The following COL23A1 variants were observed in gnomAD, a reference collection of about 807,000 sequenced individuals.
The protein encoded by COL23A1 is collagen type XXIII alpha 1 chain.
In COL23A1, 97 loss-of-function variants were observed where a neutral mutation model predicts 99.3. The observed-to-expected ratio is 0.98, with a 90% confidence interval of 0.83 to 1.16. The LOEUF is 1.16. Ranked by LOEUF, COL23A1 falls within the 50% of genes most tolerant of loss-of-function variation. COL23A1 has a pLI of 0.00. For synonymous variants in COL23A1, 320 were observed against 308.2 expected (o/e 1.04, Z -0.40); for missense variants, 762 against 757.4 (o/e 1.01, Z -0.07).
chr5:178,581,592 A>G (rs1352515068), intron 1 of COL23A1, among the ~76,000 whole-genome samples: 1 of 151,532 alleles, frequency 6.6e-6, no homozygotes, highest in Non-Finnish European at 1.5e-5. Flanking sequence ...ATTAAAACGA[A>G]AAACAAAGCC....
At chr5:178,263,357 G>T in intron 8 of COL23A1, 33 bp from the exon 9 acceptor site, 3 of 1,365,394 alleles carry the variant, frequency 2.2e-6, no homozygotes, top group African/African-American at 1.5e-5. Flanking sequence ...TGACTCTGAG[G>T]GGGAGGGGGT....
chr5:178,249,104 C>T lies in COL23A1; in HGVS notation c.1149+13G>A. ...ACAGGAGGCGTAATGTGTGGCCCAA[C>T]CCAGCCACATACCGGGAGGCCGGAC... is the stretch of plus-strand genomic sequence containing the variant. On this transcript the variant is annotated intron_variant, in intron 19 of 28. Transcript: ENST00000390654. 1 of 1,612,976 alleles carries T rather than the reference C, an allele frequency of 6.2e-7. No individual in the cohort carries two copies. Among genetic ancestry groups the T allele is most frequent in the Non-Finnish European group, 8.5e-7 (1 of 1,179,026 alleles).
chr5:178,252,508 A>G, intron 17 of COL23A1, 36 bp downstream of exon 17: 1 of 1,594,848 alleles, frequency 6.3e-7, no homozygotes. Flanking sequence ...CTGGAGACAA[A>G]TGCTTGGGGG....
At chr5:178,410,750 A>G (rs548984878) in intron 2 of COL23A1, among the ~76,000 whole-genome samples, 1 of 152,366 alleles carries the variant, frequency 6.6e-6, no homozygotes, top group South Asian at 2.1e-4. Flanking sequence ...ACATGCAACG[A>G]AAGAAAAACC....
At chr5:178,393,783 G>A (rs1438140746) in intron 2 of COL23A1, among the ~76,000 whole-genome samples, 1 of 151,926 alleles carries the variant, frequency 6.6e-6, no homozygotes, top group African/African-American at 2.4e-5. Flanking sequence ...CTACAGGTGT[G>A]CACCACCACG....
chr5:178,577,034 T>C (rs565049684), intron 1 of COL23A1, among the ~76,000 whole-genome samples: 76 of 152,168 alleles, frequency 5.0e-4, no homozygotes, highest in African/African-American at 1.7e-3. Context: ...AGCGCGGTAC[T>C]GCTTCTGCCT....
In COL23A1 at chr5:178,238,710, G is replaced by A. The variant is rs1764233111; in HGVS notation, c.1621-10C>T. On this transcript the variant is annotated splice_polypyrimidine_tract_variant and intron_variant, in intron 28 of 28. Transcript: ENST00000390654. The stretch of plus-strand genomic sequence containing the variant: ...CTGGGCCTGTGGGTCACTGGAAAAG[G>A]AGGAAGAGACTGAAGGTGACGAGGA... 1.9e-6 allele frequency: 3 copies of A among 1,612,010 alleles called. No individual in the cohort carries two copies. The highest frequency in any genetic ancestry group is 1.7e-6 in the Non-Finnish European group (2 of 1,179,956).
intron 2 of COL23A1, among the ~76,000 whole-genome samples, chr5:178,508,532 G>T (rs1043348377): frequency 2.0e-5 from 3 of 152,196 alleles, no homozygotes; most frequent in African/African-American, 7.2e-5. Flanking sequence ...GATGGGGGGT[G>T]CCACTGTGTT....
intron 19 of COL23A1, 149 bp downstream of exon 19, chr5:178,248,968 A>G: frequency 1.4e-6 from 1 of 737,000 alleles, no homozygotes; most frequent in Non-Finnish European, 2.4e-6. Context: ...GCGCTGGCCC[A>G]GAGCCTAGAG....
At chr5:178,562,129 C>A in intron 1 of COL23A1, 1 of 518,676 alleles carries the variant, frequency 1.9e-6, no homozygotes, top group South Asian at 1.5e-5. Flanking sequence ...ATAATCCCAG[C>A]TGCTTGGGAG....
intron 2 of COL23A1, among the ~76,000 whole-genome samples, chr5:178,331,291 G>A (rs1414086566): frequency 2.6e-5 from 4 of 152,214 alleles, no homozygotes; most frequent in Admixed American, 6.5e-5. Context: ...CAGTTGCAGC[G>A]CCTACAAATC....
At chr5:178,259,874 C>T in intron 11 of COL23A1, 127 bp from the exon 12 acceptor site, 1 of 770,080 alleles carries the variant, frequency 1.3e-6, no homozygotes, top group Non-Finnish European at 2.0e-6. Flanking sequence ...GCCCAGAGAC[C>T]CCTGAATGCT....
At chr5:178,266,873 C>T (rs1435704279) in intron 8 of COL23A1, among the ~76,000 whole-genome samples, 1 of 152,254 alleles carries the variant, frequency 6.6e-6, no homozygotes, top group African/African-American at 2.4e-5. Flanking sequence ...GCTGTTCCCC[C>T]ATTCACAGTT....
At position 178,317,700 on chromosome 5, in the gene COL23A1, C is replaced by T. The variant is rs191574370; in HGVS notation, c.362-10781G>A. 2.6e-5 allele frequency among the ~76,000 whole-genome samples: 4 copies of T among 152,256 alleles called. No homozygotes were observed. In the East Asian group the frequency reaches 7.7e-4, roughly 29 times the overall value. On this transcript the variant is annotated intron_variant, in intron 2 of 28. Coordinates refer to ENST00000390654, the MANE Select transcript of COL23A1 (RefSeq NM_173465.4). Reference sequence around the variant, plus strand: ...TCTGAGAGTGGCGCCCAGGTTATGCCTTGCCAATGGGTTGGGGAGCGTATT... The same window carrying T: ...TCTGAGAGTGGCGCCCAGGTTATGCTTTGCCAATGGGTTGGGGAGCGTATT...
intron 2 of COL23A1, among the ~76,000 whole-genome samples, chr5:178,509,894 T>G (rs1237433300): frequency 2.0e-5 from 3 of 152,202 alleles, no homozygotes; most frequent in Admixed American, 6.5e-5. Flanking sequence ...TCATGTGTTA[T>G]TATTAAGTTT....
chr5:178,403,703 A>G (rs2127768993), intron 2 of COL23A1, among the ~76,000 whole-genome samples: 1 of 152,382 alleles, frequency 6.6e-6, no homozygotes, highest in Admixed American at 6.5e-5. Flanking sequence ...ACAAATGTGT[A>G]ACCATTGTTT....
chr5:178,518,703 C>T (rs1659078347), intron 2 of COL23A1, among the ~76,000 whole-genome samples: 2 of 144,840 alleles, frequency 1.4e-5, no homozygotes, highest in South Asian at 2.2e-4. Context: ...AGACGATGGG[C>T]GGCCAGGCAG....
chr5:178,458,872 G>C (rs1755952103), intron 2 of COL23A1, among the ~76,000 whole-genome samples: 1 of 151,932 alleles, frequency 6.6e-6, no homozygotes, highest in East Asian at 1.9e-4. Context: ...CAAACCTGAA[G>C]CTCATGCAGC....
chr5:178,296,894 C>T (rs1007943261), intron 3 of COL23A1, among the ~76,000 whole-genome samples: 2 of 152,230 alleles, frequency 1.3e-5, no homozygotes, highest in Non-Finnish European at 1.5e-5. Context: ...CCAGCACCAG[C>T]GTCACAGCCT....
Sources: allele counts gnomAD v4.1 joint callset (sites outside exome capture counted in the v4.1 genomes callset), GRCh38; gene constraint gnomAD v4.1.1; transcripts MANE v1.5; gene names NCBI Gene and HGNC (gene_info 2026-07-23, HGNC 2026-07-21).